ERP27: variants seen among roughly 807,000 people sequenced by gnomAD.
The protein encoded by ERP27 is endoplasmic reticulum resident protein 27.
Under a neutral mutation model 27.7 loss-of-function variants are expected in ERP27, and 23 were observed. The ratio of observed to expected loss-of-function variants is 0.83; its 90% CI spans 0.60 to 1.18. ERP27 has a LOEUF of 1.18. ERP27 is among the 50% of genes most tolerant of loss of function. ERP27 has a pLI of 0.00. For missense variants in ERP27, 363 were observed against 327.9 expected (o/e 1.11, Z -0.83); for synonymous variants, 159 against 118.3 (o/e 1.34, Z -2.23).
At chr12:14,924,457 T>C (rs1320988875) in intron 3 of ERP27, among the ~76,000 whole-genome samples, 1 of 152,248 alleles carries the variant, frequency 6.6e-6, no homozygotes, top group East Asian at 1.9e-4. Context: ...ATGTTCATAC[T>C]GTTTTCCATA....
rs1863425375 is a variant in ERP27 at position 14,917,256 on chromosome 12, C to T, written c.498G>A (p.Leu166=). The stretch of plus-strand genomic sequence containing the variant: ...ACTCTGGGGAGGCCTTGTTCATTAT[C>T]AGGAGGAGATGAATCTGAATTACGC... ...FNSVIQIHLL[L]IMNKASPEYE... The change falls in exon 5 of 7, where the codon CTG becomes CTA. Residue 166 remains leucine, a synonymous_variant. Transcript: ENST00000266397. 3 of 1,614,048 alleles carry T rather than the reference C, an allele frequency of 1.9e-6. No individual in the cohort carries two copies. The highest frequency in any genetic ancestry group is 1.3e-5 in the African/African-American group (1 of 74,932).
chr12:14,922,687 A>G (rs1248403280), intron 3 of ERP27, among the ~76,000 whole-genome samples: 1 of 152,226 alleles, frequency 6.6e-6, no homozygotes, highest in East Asian at 1.9e-4. Flanking sequence ...CACCAAGGTC[A>G]TGAAGATATT....
chr12:14,936,410 C>T (rs898882055), intron 2 of ERP27, among the ~76,000 whole-genome samples: 6 of 152,234 alleles, frequency 3.9e-5, no homozygotes, highest in Admixed American at 2.6e-4. Flanking sequence ...CTTCCATAGA[C>T]GCTGGCATCA....
At chr12:14,927,940 G>T (rs1463474236) in intron 3 of ERP27, among the ~76,000 whole-genome samples, 1 of 152,060 alleles carries the variant, frequency 6.6e-6, no homozygotes, top group East Asian at 1.9e-4. Flanking sequence ...TCCAATCATT[G>T]TTCTCAGTTT....
chr12:14,928,368 A>G (rs372075092), intron 3 of ERP27, among the ~76,000 whole-genome samples: 31 of 152,342 alleles, frequency 2.0e-4, no homozygotes, highest in African/African-American at 7.2e-4. Flanking sequence ...GATGATTCCT[A>G]TTTCACCTCT....
At chr12:14,923,532 T>TATC (rs562494486) in intron 3 of ERP27, among the ~76,000 whole-genome samples, 28 of 151,888 alleles carry the variant, frequency 1.8e-4, no homozygotes, top group African/African-American at 6.3e-4. Context: ...TCTATCTATC[T>TATC]ATCTATATTA....
chr12:14,938,079 G>T (rs368336456), intron 1 of ERP27, 27 bp from the exon 2 acceptor site: 4 of 1,580,094 alleles, frequency 2.5e-6, no homozygotes, highest in Non-Finnish European at 2.6e-6. Flanking sequence ...AAGATGTCAG[G>T]GTACTGAGGC....
At chr12:14,916,018 G>T (rs1337985141) in intron 5 of ERP27, among the ~76,000 whole-genome samples, 2 of 151,982 alleles carry the variant, frequency 1.3e-5, no homozygotes, top group East Asian at 3.9e-4. Context: ...TGGTCTACTT[G>T]GGGGGTGGAG....
intron 3 of ERP27, among the ~76,000 whole-genome samples, chr12:14,922,645 T>C (rs1045721732): frequency 2.0e-5 from 3 of 152,238 alleles, no homozygotes; most frequent in Non-Finnish European, 4.4e-5. Flanking sequence ...TAATGTGTAC[T>C]TTTTTGTTTT....
rs554867855 is a variant in ERP27, at chr12:14,920,055, G to A, written c.450+877C>T. ...AAAGAACTGGTATTGGAGAATAGAA[G>A]GTACAGCATTTTGAGCTGATGTAGA... is the stretch of plus-strand genomic sequence containing the variant. On this transcript the variant is annotated intron_variant, in intron 4 of 6. Coordinates refer to ENST00000266397, the MANE Select transcript of ERP27 (RefSeq NM_152321.4). 7.9e-5 allele frequency among the ~76,000 whole-genome samples: 12 copies of A among 152,282 alleles called. No individual in the cohort carries two copies. The South Asian group carries it at 2.3e-3, about 29-fold the overall frequency.
chr12:14,922,569 C>T (rs1431293559), intron 3 of ERP27, among the ~76,000 whole-genome samples: 4 of 152,020 alleles, frequency 2.6e-5, no homozygotes, highest in Non-Finnish European at 5.9e-5. Flanking sequence ...TAGGGCTTCT[C>T]CTTTAATGGT....
chr12:14,921,159 A>G (rs1863497774), intron 3 of ERP27, 111 bp from the exon 4 acceptor site: 2 of 823,896 alleles, frequency 2.4e-6, no homozygotes, highest in Non-Finnish European at 3.9e-6. Flanking sequence ...GAAGACCAAA[A>G]GATAAGTAAG....
Position 14,917,187 on chromosome 12 carries a change from G to A in ERP27, c.567C>T (p.Phe189=), listed in dbSNP as rs923869615. The A allele has an allele frequency of 3.7e-6, 6 of 1,613,940 alleles. No individual in the cohort carries two copies. In the Admixed American group the frequency reaches 6.7e-5, roughly 18 times the overall value. ...CCCATTCTTGCCTTACCTTCCCCTG[G>A]AAGAGCTTGGCTGCCTTCTGGTATC... ...MHRYQKAAKL[F]QGKILFILVD... Residue 189 remains phenylalanine, a synonymous_variant, in exon 5 of 7, where the codon TTC becomes TTT. Coordinates refer to ENST00000266397, the MANE Select transcript of ERP27 (RefSeq NM_152321.4).
At position 14,938,062 on chromosome 12, in the gene ERP27, G is replaced by A; in HGVS notation, c.95-10C>T. The A allele has an allele frequency of 6.2e-7, 1 of 1,609,744 alleles. No homozygotes were observed. Among genetic ancestry groups the A allele is most frequent in the Non-Finnish European group, 8.5e-7 (1 of 1,176,110 alleles). On this transcript the variant is annotated splice_polypyrimidine_tract_variant and intron_variant, in intron 1 of 6. Coordinates refer to ENST00000266397, the MANE Select transcript of ERP27 (RefSeq NM_152321.4). Reference sequence around the variant, plus strand: ...GCAGCACCAGGACCATCTAGAGAGAGAAGCAGAAGATGTCAGGGTACTGAG... The same window carrying A: ...GCAGCACCAGGACCATCTAGAGAGAAAAGCAGAAGATGTCAGGGTACTGAG...
At chr12:14,922,886 C>T (rs948210644) in intron 3 of ERP27, among the ~76,000 whole-genome samples, 3 of 152,088 alleles carry the variant, frequency 2.0e-5, no homozygotes, top group African/African-American at 7.2e-5. Context: ...GACTAGCCGG[C>T]CAACATGGTG....
At chr12:14,933,457 A>G (rs1006592050) in intron 3 of ERP27, among the ~76,000 whole-genome samples, 6 of 152,170 alleles carry the variant, frequency 3.9e-5, no homozygotes, top group African/African-American at 1.4e-4. Flanking sequence ...GAAGCCATGC[A>G]GACCTGGATA....
At chr12:14,938,127 C>T in intron 1 of ERP27, 75 bp from the exon 2 acceptor site, 1 of 1,205,448 alleles carries the variant, frequency 8.3e-7, no homozygotes, top group Non-Finnish European at 1.2e-6. Flanking sequence ...GCATCTATAC[C>T]TTTTATCTCT....
intron 3 of ERP27, among the ~76,000 whole-genome samples, chr12:14,925,538 C>G (rs556571428): frequency 1.3e-5 from 2 of 151,918 alleles, no homozygotes; most frequent in Non-Finnish European, 2.9e-5. Context: ...CTTCTCTAAA[C>G]TATTAGTTAT....
intron 3 of ERP27, among the ~76,000 whole-genome samples, chr12:14,928,085 T>C (rs1378036961): frequency 6.6e-6 from 1 of 152,202 alleles, no homozygotes; most frequent in African/African-American, 2.4e-5. Flanking sequence ...TTTCCTACAA[T>C]AGTTTGCATC....
Sources: gnomAD v4.1 joint callset for allele counts (sites outside exome capture counted in the v4.1 genomes callset) on GRCh38, gnomAD v4.1.1 for gene constraint, MANE v1.5 for transcripts, NCBI Gene and HGNC (gene_info 2026-07-23, HGNC 2026-07-21) for gene names.